Variants in RIMKLB observed in about 807,000 individuals in gnomAD.
RIMKLB encodes the protein beta-citrylglutamate synthase B.
Under a neutral mutation model 32.0 loss-of-function variants are expected in RIMKLB, and 7 were observed. The observed-to-expected ratio is 0.22, with a 90% CI of 0.12 to 0.41. RIMKLB has a LOEUF of 0.41. RIMKLB is among the 10% of genes least tolerant of loss of function. RIMKLB has a pLI of 1.00. For missense variants in RIMKLB, 289 were observed against 498.7 expected, an observed-to-expected ratio of 0.58 and a Z score of 4.00; for synonymous variants, 172 against 185.1, an observed-to-expected ratio of 0.93 and a Z score of 0.57.
upstream of RIMKLB, among the ~76,000 whole-genome samples, chr12:8,695,851 G>A (rs766745395): frequency 2.6e-5 from 4 of 152,008 alleles, no homozygotes; most frequent in Admixed American, 6.5e-5. Flanking sequence ...GCGCTATCAC[G>A]CCTGGCTAAT....
chr12:8,699,629 G>A (rs1023634561), intron 1 of RIMKLB, among the ~76,000 whole-genome samples: 2 of 152,120 alleles, frequency 1.3e-5, no homozygotes, highest in African/African-American at 4.8e-5. Flanking sequence ...TTGTCTTGAG[G>A]TAATCCTATT....
intron 5 of RIMKLB, among the ~76,000 whole-genome samples, chr12:8,767,208 T>A (rs908422892): frequency 9.2e-5 from 14 of 152,256 alleles, no homozygotes; most frequent in African/African-American, 3.4e-4. Context: ...CTTTACTACT[T>A]CTATCTTTCT....
downstream of RIMKLB, chr12:8,779,650 A>G (rs1032554888): frequency 4.6e-5 from 7 of 152,164 alleles, no homozygotes; most frequent in African/African-American, 1.7e-4. Context: ...ATCTTGATGA[A>G]GGCAGTGGGA....
At chr12:8,740,548 G>A (rs759546504) in intron 2 of RIMKLB, among the ~76,000 whole-genome samples, 1 of 152,094 alleles carries the variant, frequency 6.6e-6, no homozygotes, top group Non-Finnish European at 1.5e-5. Flanking sequence ...ATGCCTTTGC[G>A]TCCTCATAGC....
intron 1 of RIMKLB, among the ~76,000 whole-genome samples, chr12:8,698,703 C>T (rs1026107802): frequency 7.1e-6 from 1 of 140,522 alleles, no homozygotes; most frequent in Admixed American, 6.9e-5. Context: ...GGCGACACTC[C>T]CCCTCCCCCC....
intron 2 of RIMKLB, among the ~76,000 whole-genome samples, chr12:8,731,423 A>G (rs1207931476): frequency 6.6e-6 from 1 of 151,292 alleles, no homozygotes; most frequent in African/African-American, 2.4e-5. Flanking sequence ...TCAGAGGTTC[A>G]GTAAGATTAT....
At chr12:8,687,174 C>T (rs773056143) in intron 1 of RIMKLB, among the ~76,000 whole-genome samples, 54 of 152,264 alleles carry the variant, frequency 3.5e-4, no homozygotes, top group Middle Eastern at 3.4e-3. Flanking sequence ...TTCAGATAAA[C>T]AATATAATTT....
intron 2 of RIMKLB, among the ~76,000 whole-genome samples, chr12:8,718,038 G>C (rs1945035052): frequency 6.6e-6 from 1 of 152,066 alleles, no homozygotes; most frequent in Admixed American, 6.5e-5. Context: ...TGGATTTTCA[G>C]CCTCTGTGCC....
intron 1 of RIMKLB, among the ~76,000 whole-genome samples, chr12:8,689,946 C>A (rs1450625657): frequency 6.6e-6 from 1 of 152,110 alleles, no homozygotes; most frequent in Non-Finnish European, 1.5e-5. Context: ...ATCCCCATTT[C>A]TCTAGTGACA....
intron 2 of RIMKLB, among the ~76,000 whole-genome samples, chr12:8,741,229 TTAGC>T (rs1947488180): frequency 6.8e-6 from 1 of 146,966 alleles, no homozygotes; most frequent in African/African-American, 2.6e-5. Context: ...AATAAAAAAA[TTAGC>T]TAGGTGTGGT....
chr12:8,697,076 C>G (rs1221798237), upstream of RIMKLB: 1 of 152,042 alleles, frequency 6.6e-6, no homozygotes, highest in Non-Finnish European at 1.5e-5. Context: ...ACAAAATGCT[C>G]TTAAAATATC....
Position 8,776,774 on chromosome 12 carries a change from C to T in RIMKLB, c.*2990C>T, listed in dbSNP as rs1950752464. 1 of 985,328 alleles carries T rather than the reference C, an allele frequency of 1.0e-6. No homozygotes were observed. The allele number at this position is 985,328 out of a possible 1,614,324, so 61.0% of individuals were successfully genotyped here. On this transcript the variant is annotated 3_prime_UTR_variant, in exon 6 of 6. Coordinates refer to ENST00000535829, the MANE Select transcript of RIMKLB (RefSeq NM_001297776.2). ...GTATATGTTACCAATAAGAAAACTA[C>T]CCTGGAACAGTAGAAAAACCCAACA...
At chr12:8,726,638 G>A (rs1158637378) in intron 2 of RIMKLB, among the ~76,000 whole-genome samples, 2 of 147,716 alleles carry the variant, frequency 1.4e-5, no homozygotes, top group African/African-American at 5.0e-5. Context: ...TTACCCACAA[G>A]TTTACTGGGC....
At chr12:8,754,500 C>G (rs910900552) in intron 5 of RIMKLB, among the ~76,000 whole-genome samples, 2 of 152,164 alleles carry the variant, frequency 1.3e-5, no homozygotes, top group Non-Finnish European at 2.9e-5. Flanking sequence ...TATGTATTTT[C>G]TCAGATCTCT....
intron 2 of RIMKLB, among the ~76,000 whole-genome samples, chr12:8,723,232 G>T (rs752961028): frequency 1.3e-5 from 2 of 152,100 alleles, no homozygotes; most frequent in Non-Finnish European, 2.9e-5. Flanking sequence ...GCCACTGTAG[G>T]GTTATTAACT....
intron 2 of RIMKLB, among the ~76,000 whole-genome samples, chr12:8,728,471 T>G (rs1263442842): frequency 6.6e-6 from 1 of 152,180 alleles, no homozygotes; most frequent in Admixed American, 6.5e-5. Flanking sequence ...TTATTTTTAT[T>G]TCCCTTTAGG....
chr12:8,745,942 A>G (rs1948046149), intron 2 of RIMKLB, among the ~76,000 whole-genome samples: 1 of 147,012 alleles, frequency 6.8e-6, no homozygotes, highest in South Asian at 2.2e-4. Flanking sequence ...TGATCCACCC[A>G]CCTCGGCTTC....
Position 8,773,495 on chromosome 12 carries a change from G to A in RIMKLB, c.872G>A (p.Cys291Tyr). The change falls in exon 6 of 6, where the codon TGT (cysteine) becomes TAT (tyrosine). Residue 291 changes from cysteine (C) to tyrosine (Y), a missense_variant. Physicochemically the swap from Cys to Tyr is radical, Grantham distance 194. Transcript: ENST00000535829. ...GGTTTCATCGCCTTTGATAAGGCTT[G>A]TAATCTAGATGTAGCTGGTATCATA... ...NVGFIAFDKA[C>Y]NLDVAGIIAD... 1 of 1,614,252 alleles carries A rather than the reference G, an allele frequency of 6.2e-7. No homozygotes were observed. The highest frequency in any genetic ancestry group is 8.5e-7 in the Non-Finnish European group (1 of 1,180,042).
intron 5 of RIMKLB, among the ~76,000 whole-genome samples, chr12:8,762,519 TGCCA>T (rs1244167151): frequency 2.6e-5 from 4 of 152,144 alleles, no homozygotes; most frequent in African/African-American, 9.7e-5. Context: ...AGTTTAAGAC[TGCCA>T]CCTCTTTAGG....
Sources: allele counts gnomAD v4.1 joint callset (sites outside exome capture counted in the v4.1 genomes callset), GRCh38; gene constraint gnomAD v4.1.1; transcripts MANE v1.5; gene names NCBI Gene and HGNC (gene_info 2026-07-23, HGNC 2026-07-21).